SNX25: variants seen among roughly 807,000 people sequenced by gnomAD.
The protein encoded by SNX25 is sorting nexin 25.
Under a neutral mutation model 113.7 loss-of-function variants are expected in SNX25, and 62 were observed. That is an observed-to-expected ratio of 0.55 (90% confidence interval 0.44 to 0.67). SNX25 has a LOEUF of 0.67. SNX25 is among the 30% of genes least tolerant of loss of function. The pLI, the probability that SNX25 is intolerant of heterozygous loss-of-function variation, is 0.00. For synonymous variants in SNX25, 421 were observed against 436.2 expected (o/e 0.97, Z 0.43); for missense variants, 1,014 against 1,161.0 (o/e 0.87, Z 1.84).
chr4:185,242,090 T>C (rs890099711), intron 1 of SNX25, among the ~76,000 whole-genome samples: 2 of 152,202 alleles, frequency 1.3e-5, no homozygotes, highest in Non-Finnish European at 2.9e-5. Flanking sequence ...GAGTATGTAG[T>C]GGCTGCTCAT....
chr4:185,289,258 A>G (rs1032580345), intron 6 of SNX25, among the ~76,000 whole-genome samples: 25 of 152,158 alleles, frequency 1.6e-4, no homozygotes, highest in African/African-American at 6.0e-4. Flanking sequence ...GGAGGCAGTC[A>G]GACAATCAAC....
chr4:185,374,498 T>C (rs1421655357), downstream of SNX25: 5 of 1,602,128 alleles, frequency 3.1e-6, no homozygotes, highest in African/African-American at 1.3e-5. Flanking sequence ...CCCTAGTTTT[T>C]AGTTTTACCC....
chr4:185,325,188 G>C (rs1045457104), intron 9 of SNX25, among the ~76,000 whole-genome samples: 32 of 152,186 alleles, frequency 2.1e-4, no homozygotes, highest in Admixed American at 1.9e-3. Flanking sequence ...ATGAGAGGCA[G>C]AGGCACATGT....
At chr4:185,365,468 G>C (rs2095383617), downstream of SNX25, 2 of 151,826 alleles carry the variant, frequency 1.3e-5, no homozygotes, top group Admixed American at 6.6e-5. Flanking sequence ...CAGTTCTTCT[G>C]TCTCAGCCTC....
chr4:185,266,696 C>G (rs1748137268), intron 4 of SNX25, among the ~76,000 whole-genome samples: 1 of 152,078 alleles, frequency 6.6e-6, no homozygotes, highest in Non-Finnish European at 1.5e-5. Flanking sequence ...ACTTGAGTTC[C>G]AAATGACTTC....
chr4:185,330,530 A>G (rs1037003005), intron 9 of SNX25, among the ~76,000 whole-genome samples: 1 of 152,198 alleles, frequency 6.6e-6, no homozygotes, highest in Non-Finnish European at 1.5e-5. Context: ...TTCTTATAGC[A>G]TATGCAATCA....
intron 5 of SNX25, among the ~76,000 whole-genome samples, chr4:185,267,367 T>G (rs559979110): frequency 4.9e-4 from 74 of 152,228 alleles, no homozygotes; most frequent in Non-Finnish European, 6.8e-4. Context: ...TCAAATACAG[T>G]TGACTCGAAC....
In SNX25 at chr4:185,363,345, A is replaced by G; in HGVS notation, c.2935-40A>G. On this transcript the variant is annotated intron_variant, in intron 18 of 18. Coordinates refer to ENST00000652585, the MANE Select transcript of SNX25 (RefSeq NM_001378034.2). This position sits in a 1 kb window ranked among gnomAD's most constrained non-coding sequence, Gnocchi z 4.2. The stretch of plus-strand genomic sequence containing the variant: ...ATTTATTTTGAATAAACCCTTGGAG[A>G]AAAACATTTTTCCACTTTTTTCCTT... 6.2e-7 allele frequency: 1 copy of G among 1,601,490 alleles called. No individual in the cohort carries two copies. The highest frequency in any genetic ancestry group is 8.6e-7 in the Non-Finnish European group (1 of 1,169,412).
chr4:185,287,380 G>T (rs1395953354), intron 5 of SNX25, among the ~76,000 whole-genome samples: 2 of 152,116 alleles, frequency 1.3e-5, no homozygotes, highest in African/African-American at 4.8e-5. Context: ...GATTCTGTTG[G>T]GTTGGGACCG....
At chr4:185,289,135 T>C (rs1247825383) in intron 6 of SNX25, among the ~76,000 whole-genome samples, 2 of 152,180 alleles carry the variant, frequency 1.3e-5, no homozygotes, top group Non-Finnish European at 2.9e-5. Context: ...GCTCAGCCTG[T>C]AAGGAAGCCT....
rs185750646 is a variant in SNX25, at chr4:185,221,064, G to A, written c.429+10809G>A. On this transcript the variant is annotated intron_variant, in intron 1 of 18. Coordinates refer to ENST00000652585, the MANE Select transcript of SNX25 (RefSeq NM_001378034.2). The stretch of plus-strand genomic sequence containing the variant: ...TTTTTTTTTTCTGAGACAGGATCTG[G>A]CTCTGTTGCCCGGGCTGGAGTGCAG... Among the ~76,000 whole-genome samples the A allele has an allele frequency of 3.2e-4, 49 of 150,836 alleles. No homozygotes were observed. In the East Asian group the frequency reaches 9.4e-3, roughly 29 times the overall value.
chr4:185,278,163 C>T (rs544224724), intron 5 of SNX25, among the ~76,000 whole-genome samples: 3 of 152,322 alleles, frequency 2.0e-5, no homozygotes, highest in South Asian at 4.1e-4. Context: ...AGGGCTGGCT[C>T]CTGCACATCA....
intron 16 of SNX25, 55 bp from the exon 17 acceptor site, chr4:185,361,869 A>C: frequency 6.4e-7 from 1 of 1,564,082 alleles, no homozygotes; most frequent in Non-Finnish European, 8.8e-7. Flanking sequence ...GCCTTTTGAG[A>C]ATAGAGTACA....
intron 5 of SNX25, among the ~76,000 whole-genome samples, chr4:185,278,721 A>G (rs544260118): frequency 6.6e-6 from 1 of 152,352 alleles, no homozygotes; most frequent in South Asian, 2.1e-4. Flanking sequence ...AGAACATAAA[A>G]CTAGTCAACT....
At chr4:185,346,750 C>G in intron 13 of SNX25, 100 bp downstream of exon 13, 1 of 735,558 alleles carries the variant, frequency 1.4e-6, no homozygotes, top group Non-Finnish European at 2.2e-6. Flanking sequence ...TTTGTTCTCA[C>G]AAGCCATGCT....
At chr4:185,378,519 C>T in the SNX25 span, 1 of 1,062,358 alleles carries the variant, frequency 9.4e-7, no homozygotes. Context: ...ACAAGTGTTG[C>T]CACTTAGTGG....
upstream of SNX25, among the ~76,000 whole-genome samples, chr4:185,205,175 G>T (rs1243979819): frequency 6.6e-6 from 1 of 152,206 alleles, no homozygotes; most frequent in African/African-American, 2.4e-5. Flanking sequence ...GACAGCATTG[G>T]CTGGGCGCAG....
intron 10 of SNX25, among the ~76,000 whole-genome samples, chr4:185,333,038 C>T (rs1263682348): frequency 2.0e-5 from 3 of 152,130 alleles, no homozygotes; most frequent in African/African-American, 7.2e-5. Flanking sequence ...TTCTCTTGTG[C>T]CAGGGTCATT....
the SNX25 span, chr4:185,378,268 A>G: frequency 1.3e-6 from 2 of 1,585,956 alleles, no homozygotes; most frequent in Admixed American, 1.8e-5. Context: ...GTGCAAAGAG[A>G]GACTCTATTC....
Sources: gnomAD v4.1 joint callset for allele counts (sites outside exome capture counted in the v4.1 genomes callset) on GRCh38, gnomAD v4.1.1 for gene constraint, Gnocchi (gnomAD v3.1) non-coding constraint, MANE v1.5 for transcripts, NCBI Gene and HGNC (gene_info 2026-07-23, HGNC 2026-07-21) for gene names.